The following HYCC1 variants were observed in gnomAD, a reference collection of about 807,000 sequenced individuals.
HYCC1 encodes hyccin PI4KA lipid kinase complex subunit 1.
the HYCC1 span, chr7:22,934,463 GGCAAATTCCATAATGGAAGAAGTAGCTGC>G: frequency 1.3e-5 from 2 of 151,868 alleles, no homozygotes; most frequent in East Asian, 3.9e-4. Flanking sequence ...ACCCAGATTT[GGCAAATTCCATAATGGAAGAAGTAGCTGC>G]AGAATGTCTG....
At chr7:22,984,853 T>C in the HYCC1 span, among the ~76,000 whole-genome samples, 9 of 152,170 alleles carry the variant, frequency 5.9e-5, no homozygotes, top group Non-Finnish European at 1.5e-5. Flanking sequence ...CGAATTTTCC[T>C]AATGCCATTT....
chr7:22,991,491 A>C, the HYCC1 span, among the ~76,000 whole-genome samples: 4 of 152,274 alleles, frequency 2.6e-5, no homozygotes, highest in South Asian at 6.2e-4. Context: ...AAATTGTGAA[A>C]ATATAAGAAG....
chr7:22,912,153 C>G, the HYCC1 span, among the ~76,000 whole-genome samples: 1 of 152,200 alleles, frequency 6.6e-6, no homozygotes. Flanking sequence ...TATTTAAAGT[C>G]TCTGGAAATT....
the HYCC1 span, among the ~76,000 whole-genome samples, chr7:22,967,171 G>C: frequency 1.4e-3 from 207 of 152,266 alleles, 1 homozygote; most frequent in Non-Finnish European, 1.6e-3. Context: ...AGCTCCCACA[G>C]GGACTCACAA....
At chr7:22,979,605 C>T in the HYCC1 span, among the ~76,000 whole-genome samples, 5 of 152,100 alleles carry the variant, frequency 3.3e-5, no homozygotes, top group Admixed American at 6.6e-5. Flanking sequence ...TCTTTGCGGA[C>T]CCACATCAAT....
the HYCC1 span, among the ~76,000 whole-genome samples, chr7:22,910,404 C>T: frequency 6.6e-6 from 1 of 152,202 alleles, no homozygotes; most frequent in African/African-American, 2.4e-5. Context: ...CCTGAGGCCT[C>T]ACCAGAAGCC....
the HYCC1 span, among the ~76,000 whole-genome samples, chr7:22,924,198 G>GC: frequency 2.0e-5 from 3 of 146,368 alleles, no homozygotes; most frequent in Middle Eastern, 7.0e-3. Context: ...AAAAAAAAGG[G>GC]GGGTGGAGCC....
At chr7:23,012,635 A>G in the HYCC1 span, among the ~76,000 whole-genome samples, 3 of 152,176 alleles carry the variant, frequency 2.0e-5, no homozygotes, top group South Asian at 4.1e-4. Flanking sequence ...CCTGCACTTC[A>G]AAAATATGGT....
chr7:22,927,162 C>A, the HYCC1 span, among the ~76,000 whole-genome samples: 1 of 152,082 alleles, frequency 6.6e-6, no homozygotes, highest in South Asian at 2.1e-4. Context: ...ATACCAGAAT[C>A]TCTGGGACAC....
the HYCC1 span, among the ~76,000 whole-genome samples, chr7:22,987,656 T>C: frequency 2.0e-5 from 3 of 152,216 alleles, no homozygotes. Context: ...ATCTGAGAGA[T>C]GTTGGGTGAG....
the HYCC1 span, among the ~76,000 whole-genome samples, chr7:22,918,052 T>C: frequency 6.6e-6 from 1 of 152,154 alleles, no homozygotes; most frequent in Non-Finnish European, 1.5e-5. Context: ...GAGGACTCTG[T>C]ATATTTTTAA....
chr7:22,945,847 C>T, the HYCC1 span: 4 of 1,613,728 alleles, frequency 2.5e-6, no homozygotes, highest in East Asian at 2.2e-5. Context: ...GGCTACTAGG[C>T]TTAGGTAGGG....
the HYCC1 span, among the ~76,000 whole-genome samples, chr7:22,926,312 G>C: frequency 1.3e-5 from 2 of 151,392 alleles, no homozygotes; most frequent in South Asian, 2.1e-4. Flanking sequence ...ATAATGACAG[G>C]ATCAAATTCA....
chr7:22,992,571 G>C, the HYCC1 span, among the ~76,000 whole-genome samples: 1 of 151,974 alleles, frequency 6.6e-6, no homozygotes, highest in Non-Finnish European at 1.5e-5. Context: ...CTCTCCTTTG[G>C]AGTAACTTGT....
chr7:22,987,867 T>A, the HYCC1 span, among the ~76,000 whole-genome samples: 140 of 152,286 alleles, frequency 9.2e-4, no homozygotes, highest in African/African-American at 3.1e-3. Flanking sequence ...GACTTGGCCT[T>A]ATTAGCATCA....
the HYCC1 span, among the ~76,000 whole-genome samples, chr7:22,967,264 G>A: frequency 6.6e-6 from 1 of 152,198 alleles, no homozygotes; most frequent in Non-Finnish European, 1.5e-5. Context: ...GGTAAACTCA[G>A]GTAGAAGAAG....
the HYCC1 span, chr7:22,977,398 A>G: frequency 1.3e-6 from 2 of 1,592,928 alleles, no homozygotes; most frequent in Non-Finnish European, 1.7e-6. Context: ...ATACTTTGGT[A>G]TGTCCCTGTT....
chr7:22,919,845 G>A, the HYCC1 span, among the ~76,000 whole-genome samples: 1 of 151,576 alleles, frequency 6.6e-6, no homozygotes, highest in Non-Finnish European at 1.5e-5. Flanking sequence ...CACATAAGGA[G>A]AATATCAGAA....
At chr7:22,917,829 C>T in the HYCC1 span, among the ~76,000 whole-genome samples, 2 of 152,206 alleles carry the variant, frequency 1.3e-5, no homozygotes, top group Non-Finnish European at 2.9e-5. Flanking sequence ...CAATCCAATA[C>T]TTTCACCCTG....
Sources: allele counts gnomAD v4.1 joint callset (sites outside exome capture counted in the v4.1 genomes callset), GRCh38; gene constraint gnomAD v4.1.1; transcripts MANE v1.5; gene names NCBI Gene and HGNC (gene_info 2026-07-23, HGNC 2026-07-21).